PCDHGB2: variants seen among roughly 807,000 people sequenced by gnomAD.
The protein encoded by PCDHGB2 is protocadherin gamma-B2.
Under a neutral mutation model 59.3 loss-of-function variants are expected in PCDHGB2, and 55 were observed. The ratio of observed to expected loss-of-function variants is 0.93; its 90% CI spans 0.75 to 1.16. The LOEUF is 1.16. Among genes scored for constraint, PCDHGB2 ranks in the 50% most tolerant of loss-of-function variants. PCDHGB2 has a pLI of 0.00. For missense variants in PCDHGB2, 1,228 were observed against 1,198.5 expected (o/e 1.02, Z -0.36); for synonymous variants, 516 against 512.0 (o/e 1.01, Z -0.11).
chr5:141,461,371 G>C (rs755281402), intron 1 of PCDHGB2, among the ~76,000 whole-genome samples: 1 of 152,084 alleles, frequency 6.6e-6, no homozygotes, highest in Non-Finnish European at 1.5e-5. Context: ...GTTTTAATTT[G>C]CATTTTCCTG....
chr5:141,409,023 A>C, intron 1 of PCDHGB2: 1 of 1,614,044 alleles, frequency 6.2e-7, no homozygotes, highest in Non-Finnish European at 8.5e-7. Flanking sequence ...GAGGGGGTCA[A>C]TGCTGAGATA....
chr5:141,473,479 G>A (rs1417960508), intron 1 of PCDHGB2, among the ~76,000 whole-genome samples: 1 of 152,118 alleles, frequency 6.6e-6, no homozygotes, highest in Non-Finnish European at 1.5e-5. Flanking sequence ...AAGTTCAATG[G>A]AAAAAATATA....
At chr5:141,423,084 G>C (rs1427825232) in intron 1 of PCDHGB2, 2 of 1,613,942 alleles carry the variant, frequency 1.2e-6, no homozygotes, top group Non-Finnish European at 1.7e-6. Flanking sequence ...GACTCTTCGC[G>C]GTGGGGGAGC....
chr5:141,392,894 G>A (rs1327938971), intron 1 of PCDHGB2: 14 of 1,613,802 alleles, frequency 8.7e-6, no homozygotes, highest in Non-Finnish European at 1.2e-5. Flanking sequence ...GGGAAATCGG[G>A]AGGGGACAGA....
chr5:141,399,909 A>G (rs1181363803), intron 1 of PCDHGB2: 6 of 1,612,410 alleles, frequency 3.7e-6, no homozygotes, highest in East Asian at 4.5e-5. Flanking sequence ...ACGCAGACTC[A>G]GGACACAACG....
chr5:141,422,616 C>T, intron 1 of PCDHGB2: 1 of 1,613,714 alleles, frequency 6.2e-7, no homozygotes. Flanking sequence ...CCTACATTCC[C>T]GAAAACAACC....
At chr5:141,473,623 A>T (rs186624707) in intron 1 of PCDHGB2, among the ~76,000 whole-genome samples, 8 of 152,280 alleles carry the variant, frequency 5.3e-5, no homozygotes, top group Non-Finnish European at 1.5e-5. Flanking sequence ...GAGGGAGGAA[A>T]AAGCAGCTTT....
intron 1 of PCDHGB2, among the ~76,000 whole-genome samples, chr5:141,481,693 C>T (rs755007426): frequency 1.8e-4 from 27 of 152,020 alleles, no homozygotes; most frequent in Admixed American, 7.9e-4. Context: ...GTGGCTCACG[C>T]CTGTAATCCC....
At chr5:141,362,734 T>C (rs955970127) in intron 1 of PCDHGB2, 178 bp downstream of exon 1, 2 of 766,658 alleles carry the variant, frequency 2.6e-6, no homozygotes, top group Non-Finnish European at 4.1e-6. Flanking sequence ...TGAGATTTAT[T>C]TACCCATGAT....
In PCDHGB2 at chr5:141,491,365, T is replaced by A. The variant is rs201011046; in HGVS notation, c.2422-3442T>A. ...CGTCAGTCTCTTATCCCTAGTCACC[T>A]TCACCTTTCTGTCAGCGAAGTGCCT... On this transcript the variant is annotated intron_variant, in intron 1 of 3. Transcript: ENST00000522605. This position sits in a 1 kb window ranked among gnomAD's most constrained non-coding sequence, Gnocchi z 6.9. 1.7e-5 allele frequency: 27 copies of A among 1,614,016 alleles called. No individual in the cohort carries two copies. The highest frequency in any genetic ancestry group is 2.0e-5 in the Non-Finnish European group (24 of 1,179,982).
At chr5:141,399,192 C>T (rs1561668217) in intron 1 of PCDHGB2, 1 of 1,613,846 alleles carries the variant, frequency 6.2e-7, no homozygotes, top group Non-Finnish European at 8.5e-7. Flanking sequence ...TTCTGGAAAA[C>T]GCGGTGCCTG....
chr5:141,485,275 G>T lies in PCDHGB2; in HGVS notation c.2422-9532G>T, dbSNP rs77402299. ...ACGTTTGTGGGCAGATCCGCTACCC[G>T]GTCCCAGAGGAGTCACAGGAAGGGA... is the stretch of plus-strand genomic sequence containing the variant. On this transcript the variant is annotated intron_variant, in intron 1 of 3. Coordinates refer to ENST00000522605, the MANE Select transcript of PCDHGB2 (RefSeq NM_018923.3). The surrounding 1 kb of genome is among the most constrained non-coding windows in gnomAD (Gnocchi z 5.7). 1.1e-5 allele frequency: 18 copies of T among 1,614,072 alleles called. No individual in the cohort carries two copies. The South Asian group carries it at 1.4e-4, about 13-fold the overall frequency.
At chr5:141,399,125 T>C in intron 1 of PCDHGB2, 1 of 1,613,834 alleles carries the variant, frequency 6.2e-7, no homozygotes, top group South Asian at 1.1e-5. Context: ...GAAATTAATA[T>C]TCAAGATGAA....
chr5:141,383,112 G>A (rs1167934535), intron 1 of PCDHGB2: 7 of 1,614,042 alleles, frequency 4.3e-6, no homozygotes, highest in East Asian at 2.2e-5. Context: ...CCAGAGGTAG[G>A]ACGCAGCTTT....
Position 141,431,449 on chromosome 5 carries a change from G to A in PCDHGB2, c.2422-63358G>A. Reference sequence around the variant, plus strand: ...GCACAGGCACCGCGCGCATCCGCGTGATGGTTCTGGATGCGAACGACAACG... The same window carrying A: ...GCACAGGCACCGCGCGCATCCGCGTAATGGTTCTGGATGCGAACGACAACG... On this transcript the variant is annotated intron_variant, in intron 1 of 3. Coordinates refer to ENST00000522605, the MANE Select transcript of PCDHGB2 (RefSeq NM_018923.3). The surrounding 1 kb of genome is among the most constrained non-coding windows in gnomAD (Gnocchi z 4.8). The A allele has an allele frequency of 6.2e-7, 1 of 1,613,742 alleles. No individual in the cohort carries two copies. Among genetic ancestry groups the A allele is most frequent in the South Asian group, 1.1e-5 (1 of 91,082 alleles).
chr5:141,410,206 G>T (rs774541712), intron 1 of PCDHGB2: 2 of 1,614,026 alleles, frequency 1.2e-6, no homozygotes, highest in South Asian at 1.1e-5. Context: ...CAGACAACTT[G>T]CAAGAGATAC....
At position 141,477,532 on chromosome 5, in the gene PCDHGB2, CG is replaced by C; in HGVS notation, c.2422-17271del. 6.2e-7 allele frequency: 1 copy of C among 1,614,146 alleles called. No individual in the cohort carries two copies. The highest frequency in any genetic ancestry group is 8.5e-7 in the Non-Finnish European group (1 of 1,180,028). Reference sequence around the variant, plus strand: ...TTTACATTGAAGAAAACAACCTCCCCGGGGCTCCAATACTAAACCTAAGTGT... The same window carrying C: ...TTTACATTGAAGAAAACAACCTCCCCGGGCTCCAATACTAAACCTAAGTGT... On this transcript the variant is annotated intron_variant, in intron 1 of 3. Transcript: ENST00000522605. This position sits in a 1 kb window ranked among gnomAD's most constrained non-coding sequence, Gnocchi z 4.9.
At position 141,477,862 on chromosome 5, in the gene PCDHGB2, A is replaced by AGGT. The variant is rs753168325; in HGVS notation, c.2422-16944_2422-16942dup. 2.1e-5 allele frequency: 34 copies of AGGT among 1,613,138 alleles called. No individual in the cohort carries two copies. Among genetic ancestry groups the AGGT allele is most frequent in the Non-Finnish European group, 2.5e-5 (29 of 1,179,720 alleles). ...GGAGCTCGGTGGAGATGCTGCCTCG[A>AGGT]GGTACCTCAGCTGGCCACCTAGTGT... is the stretch of plus-strand genomic sequence containing the variant. On this transcript the variant is annotated intron_variant, in intron 1 of 3. Transcript: ENST00000522605. The surrounding 1 kb of genome is among the most constrained non-coding windows in gnomAD (Gnocchi z 4.9).
intron 1 of PCDHGB2, chr5:141,364,834 G>T: frequency 6.2e-7 from 1 of 1,613,982 alleles, no homozygotes. Context: ...ACTCTCTCCG[G>T]AGTTACCAGC....
Sources: gnomAD v4.1 joint callset for allele counts (sites outside exome capture counted in the v4.1 genomes callset) on GRCh38, gnomAD v4.1.1 for gene constraint, Gnocchi (gnomAD v3.1) non-coding constraint, MANE v1.5 for transcripts, NCBI Gene and HGNC (gene_info 2026-07-23, HGNC 2026-07-21) for gene names.